Variants in ASTN2 observed in about 807,000 individuals in gnomAD.
ASTN2 encodes astrotactin 2, also known as astrotactin-2.
ASTN2 carries 54 observed loss-of-function variants against 139.8 expected under a neutral mutation model. The ratio of observed to expected loss-of-function variants is 0.39; its 90% CI spans 0.31 to 0.48. The LOEUF (loss-of-function observed/expected upper bound fraction) is 0.48. Ranked by LOEUF, ASTN2 falls within the 20% of genes least tolerant of loss-of-function variation. The pLI is 0.95. For missense variants in ASTN2, 1,565 were observed against 1,725.1 expected, an observed-to-expected ratio of 0.91 and a Z score of 1.64; for synonymous variants, 756 against 719.5, an observed-to-expected ratio of 1.05 and a Z score of -0.81.
chr9:117,141,518 C>A, intron 3 of ASTN2, 40 bp from the exon 4 acceptor site: 1 of 1,349,112 alleles, frequency 7.4e-7, no homozygotes. Context: ...GGCTTGAGCC[C>A]ACCCTCAGCA....
chr9:117,006,999 C>T (rs930229670), intron 7 of ASTN2, among the ~76,000 whole-genome samples: 1 of 152,122 alleles, frequency 6.6e-6, no homozygotes, highest in African/African-American at 2.4e-5. Context: ...TGCCTGTAAT[C>T]CCCGCTACTC....
intron 16 of ASTN2, among the ~76,000 whole-genome samples, chr9:116,654,730 C>G (rs1176079928): frequency 6.6e-6 from 1 of 152,194 alleles, no homozygotes; most frequent in Non-Finnish European, 1.5e-5. Flanking sequence ...AAACGACTAT[C>G]TTATGTTATC....
chr9:117,405,270 A>C (rs552300872), intron 1 of ASTN2, among the ~76,000 whole-genome samples: 2 of 152,344 alleles, frequency 1.3e-5, no homozygotes, highest in South Asian at 4.1e-4. Context: ...CAGAACATAG[A>C]CTATGGAACC....
chr9:116,993,853 GAT>G (rs61556942), intron 7 of ASTN2, among the ~76,000 whole-genome samples: 62 of 132,030 alleles, frequency 4.7e-4, no homozygotes, highest in Middle Eastern at 4.1e-3. Flanking sequence ...GTATGTACAT[GAT>G]ATATATATAT....
intron 16 of ASTN2, among the ~76,000 whole-genome samples, chr9:116,712,841 C>T (rs1464503146): frequency 2.0e-5 from 3 of 152,242 alleles, no homozygotes; most frequent in East Asian, 1.9e-4. Context: ...AAAGCTGTTA[C>T]GAACGTAAAA....
At chr9:117,355,493 G>A (rs758278406) in intron 1 of ASTN2, among the ~76,000 whole-genome samples, 4 of 152,116 alleles carry the variant, frequency 2.6e-5, no homozygotes, top group African/African-American at 9.7e-5. Flanking sequence ...GAGAGGACAT[G>A]GCTCGCCACA....
At chr9:117,195,889 C>T (rs1264450379) in intron 3 of ASTN2, among the ~76,000 whole-genome samples, 1 of 152,176 alleles carries the variant, frequency 6.6e-6, no homozygotes, top group East Asian at 1.9e-4. Flanking sequence ...CTGCAAAGTT[C>T]CTTCTGCCAA....
chr9:117,329,516 C>T (rs141006854), intron 1 of ASTN2, among the ~76,000 whole-genome samples: 2 of 152,194 alleles, frequency 1.3e-5, no homozygotes, highest in East Asian at 3.9e-4. Flanking sequence ...CACATGGATT[C>T]AGGGGCCCTG....
chr9:116,586,382 G>C (rs539191087), intron 19 of ASTN2: 35 of 152,240 alleles, frequency 2.3e-4, no homozygotes, highest in African/African-American at 8.2e-4. Flanking sequence ...CAAAGACATG[G>C]AATCAACCTA....
At chr9:117,193,055 T>G (rs1012198126) in intron 3 of ASTN2, among the ~76,000 whole-genome samples, 11 of 152,250 alleles carry the variant, frequency 7.2e-5, no homozygotes, top group African/African-American at 2.6e-4. Flanking sequence ...CAGCACACAG[T>G]GGGTGATGGT....
At chr9:116,885,580 C>T (rs941711111) in intron 10 of ASTN2, among the ~76,000 whole-genome samples, 4 of 152,260 alleles carry the variant, frequency 2.6e-5, no homozygotes, top group African/African-American at 7.2e-5. Flanking sequence ...GCAGGGGAAT[C>T]TCTTGAACCC....
At chr9:116,866,008 G>A (rs1366274717) in intron 10 of ASTN2, among the ~76,000 whole-genome samples, 1 of 152,090 alleles carries the variant, frequency 6.6e-6, no homozygotes. Flanking sequence ...TTATGTTACC[G>A]CCTTTGTGAA....
chr9:117,270,743 G>C (rs548261887), intron 2 of ASTN2, among the ~76,000 whole-genome samples: 1 of 152,266 alleles, frequency 6.6e-6, no homozygotes, highest in African/African-American at 2.4e-5. Context: ...TTGTTTTCAG[G>C]ATAAAATGCA....
chr9:117,298,702 ATG>A (rs60775898), intron 1 of ASTN2, among the ~76,000 whole-genome samples: 25,547 of 135,774 alleles, frequency 0.19, 2,702 homozygotes, highest in South Asian at 0.25. Context: ...GTGCATATGT[ATG>A]TGTGTGTGTG....
intron 2 of ASTN2, among the ~76,000 whole-genome samples, chr9:117,234,141 A>G (rs1409771806): frequency 6.6e-6 from 1 of 152,128 alleles, no homozygotes; most frequent in East Asian, 1.9e-4. Flanking sequence ...GGACTATGTA[A>G]GTGCTCAGAG....
intron 5 of ASTN2, among the ~76,000 whole-genome samples, chr9:117,087,495 C>A (rs879089636): frequency 6.6e-6 from 1 of 152,056 alleles, no homozygotes; most frequent in Non-Finnish European, 1.5e-5. Context: ...CCCAAAGTAC[C>A]GAGATTACAG....
chr9:116,911,002 G>A (rs536968430), intron 10 of ASTN2, among the ~76,000 whole-genome samples: 3 of 152,278 alleles, frequency 2.0e-5, no homozygotes, highest in East Asian at 1.9e-4. Flanking sequence ...CCTTATAACA[G>A]GTATTCAAGT....
At chr9:116,731,224 T>TAATAAA (rs1239777632) in intron 14 of ASTN2, among the ~76,000 whole-genome samples, 5 of 137,510 alleles carry the variant, frequency 3.6e-5, no homozygotes, top group South Asian at 2.4e-4. Flanking sequence ...ATAATAATAA[T>TAATAAA]AAATCTTTTG....
At chr9:116,587,028 T>C (rs1854185798) in intron 19 of ASTN2, among the ~76,000 whole-genome samples, 3 of 151,954 alleles carry the variant, frequency 2.0e-5, no homozygotes, top group African/African-American at 7.3e-5. Flanking sequence ...AAATCTGCTT[T>C]CCTAAAATCA....
Sources: allele counts gnomAD v4.1 joint callset (sites outside exome capture counted in the v4.1 genomes callset), GRCh38; gene constraint gnomAD v4.1.1; transcripts MANE v1.5; gene names NCBI Gene and HGNC (gene_info 2026-07-23, HGNC 2026-07-21).